The following TRIO variants were observed in gnomAD, a reference collection of about 807,000 sequenced individuals.
The protein encoded by TRIO is triple functional domain protein.
Under a neutral mutation model 351.9 loss-of-function variants are expected in TRIO, and 58 were observed. That is an observed-to-expected ratio of 0.16 (90% CI 0.13 to 0.21). The LOEUF (loss-of-function observed/expected upper bound fraction) is 0.21, where lower values mean the gene tolerates loss of function less well. TRIO is among the 10% of genes least tolerant of loss of function. The probability of loss-of-function intolerance (pLI) is 1.00; values close to 1 mark genes in which losing one functional copy is unlikely to be tolerated. For synonymous variants in TRIO, 1,758 were observed against 1,595.7 expected (o/e 1.10, Z -2.42); for missense variants, 3,201 against 4,027.8 (o/e 0.79, Z 5.56).
chr5:14,472,452 C>G, intron 38 of TRIO, 140 bp from the exon 39 acceptor site: 1 of 905,948 alleles, frequency 1.1e-6, no homozygotes, highest in South Asian at 1.8e-5. Context: ...TTGGGACTCT[C>G]CAGAATTTAA....
At chr5:14,239,697 T>A (rs1474538578) in intron 1 of TRIO, among the ~76,000 whole-genome samples, 1 of 152,172 alleles carries the variant, frequency 6.6e-6, no homozygotes, top group African/African-American at 2.4e-5. Context: ...CCACATTCTT[T>A]CCACTATTGT....
chr5:14,165,579 C>T (rs1253224994), intron 1 of TRIO, among the ~76,000 whole-genome samples: 1 of 151,990 alleles, frequency 6.6e-6, no homozygotes, highest in Non-Finnish European at 1.5e-5. Context: ...TTATTTTATT[C>T]TTCCTGTTGA....
intron 1 of TRIO, among the ~76,000 whole-genome samples, chr5:14,202,951 C>T (rs143733312): frequency 6.1e-4 from 92 of 151,858 alleles, no homozygotes; most frequent in African/African-American, 2.2e-3. Context: ...TTTATTTATG[C>T]TTTTATTTAT....
chr5:14,390,875 G>A, intron 26 of TRIO, 26 bp from the exon 27 acceptor site: 2 of 1,564,986 alleles, frequency 1.3e-6, no homozygotes, highest in African/African-American at 1.4e-5. Flanking sequence ...TGATTTAAAT[G>A]AGATCTTTTT....
intron 27 of TRIO, among the ~76,000 whole-genome samples, chr5:14,393,687 G>A (rs1425837960): frequency 6.6e-6 from 1 of 151,992 alleles, no homozygotes; most frequent in Non-Finnish European, 1.5e-5. Flanking sequence ...AATACAGCAA[G>A]GAATACAACC....
rs56903927 is a variant in TRIO at position 14,303,205 on chromosome 5, T to TG, written c.1369-1250dup. ...GCAGGACTGTTGATGATCCTGGAGA[T>TG]GGGGGGTGTCAGTGGAGGAGATTGA... On this transcript the variant is annotated intron_variant, in intron 7 of 56. Coordinates refer to ENST00000344204, the MANE Select transcript of TRIO (RefSeq NM_007118.4). Among the ~76,000 whole-genome samples the TG allele has an allele frequency of 5.3e-3, 595 of 111,268 alleles. 71 individuals are homozygous for TG. The highest frequency in any genetic ancestry group is 0.022 in the African/African-American group (562 of 25,650). 73.0% of individuals were successfully genotyped at this position (111,268 alleles called of 152,430 possible).
At chr5:14,309,119 C>A (rs1738676603) in intron 8 of TRIO, among the ~76,000 whole-genome samples, 1 of 129,926 alleles carries the variant, frequency 7.7e-6, no homozygotes, top group Admixed American at 9.3e-5. Context: ...ACATACACAT[C>A]CATATAAAAT....
At chr5:14,225,911 T>C (rs990618823) in intron 1 of TRIO, among the ~76,000 whole-genome samples, 11 of 151,114 alleles carry the variant, frequency 7.3e-5, no homozygotes, top group African/African-American at 2.7e-4. Context: ...ACTTGCAGGT[T>C]GAACTAATGA....
chr5:14,501,046 A>G (rs1283149724), intron 53 of TRIO, among the ~76,000 whole-genome samples: 1 of 151,686 alleles, frequency 6.6e-6, no homozygotes, highest in Non-Finnish European at 1.5e-5. Context: ...GTATATATGT[A>G]ATGCTCGAAT....
At chr5:14,204,621 A>G (rs1378680317) in intron 1 of TRIO, among the ~76,000 whole-genome samples, 1 of 152,234 alleles carries the variant, frequency 6.6e-6, no homozygotes, top group South Asian at 2.1e-4. Context: ...GATATTGCCC[A>G]AAATAAGACT....
chr5:14,479,839 C>T, intron 42 of TRIO, 80 bp from the exon 43 acceptor site: 1 of 1,316,432 alleles, frequency 7.6e-7, no homozygotes, highest in East Asian at 2.4e-5. Flanking sequence ...GTGTTGTAGT[C>T]TTTCTGACAA....
At position 14,482,664 on chromosome 5, in the gene TRIO, G is replaced by T. The variant is rs756906651; in HGVS notation, c.6548G>T (p.Cys2183Phe). ...TDQDAGLLPR[C>F]RERRIFLFEQ... ...CAAGATGCAGGACTTCTGCCTCGCT[G>T]CAGAGAGAGGCGCATCTTCCTCTTT... The change falls in exon 46 of 57, where the codon TGC (cysteine) becomes TTC (phenylalanine). Residue 2183 changes from cysteine (C) to phenylalanine (F), a missense_variant. Physicochemically the swap from Cys to Phe is radical, Grantham distance 205. Coordinates refer to ENST00000344204, the MANE Select transcript of TRIO (RefSeq NM_007118.4). The T allele has an allele frequency of 6.2e-7, 1 of 1,610,218 alleles. No individual in the cohort carries two copies. Among genetic ancestry groups the T allele is most frequent in the East Asian group, 2.2e-5 (1 of 44,656 alleles).
chr5:14,379,750 A>G (rs1745898391), intron 20 of TRIO, among the ~76,000 whole-genome samples: 1 of 152,206 alleles, frequency 6.6e-6, no homozygotes, highest in Non-Finnish European at 1.5e-5. Context: ...AAGATAATGG[A>G]ATGTATTGTT....
intron 9 of TRIO, among the ~76,000 whole-genome samples, chr5:14,317,147 C>T (rs955497835): frequency 2.0e-5 from 3 of 152,154 alleles, no homozygotes; most frequent in African/African-American, 7.2e-5. Flanking sequence ...TAGTGCAGTC[C>T]ATGGTGCACA....
intron 1 of TRIO, among the ~76,000 whole-genome samples, chr5:14,146,112 A>T (rs1279450146): frequency 6.7e-6 from 1 of 150,108 alleles, no homozygotes; most frequent in Non-Finnish European, 1.5e-5. Context: ...CCTGACCTAG[A>T]TCTTGGCTCT....
intron 19 of TRIO, among the ~76,000 whole-genome samples, chr5:14,374,970 G>A (rs74588657): frequency 0.011 from 1,732 of 152,130 alleles, 39 homozygotes; most frequent in African/African-American, 0.04. Flanking sequence ...CTTTGACCAG[G>A]GATACACAGC....
At chr5:14,348,717 T>A (rs1742680920) in intron 11 of TRIO, among the ~76,000 whole-genome samples, 1 of 151,956 alleles carries the variant, frequency 6.6e-6, no homozygotes, top group Non-Finnish European at 1.5e-5. Flanking sequence ...TATGTGTGTG[T>A]ACGCACATGA....
At chr5:14,337,502 G>A (rs1741529610) in intron 11 of TRIO, among the ~76,000 whole-genome samples, 1 of 152,152 alleles carries the variant, frequency 6.6e-6, no homozygotes, top group South Asian at 2.1e-4. Context: ...TTATTCAGAT[G>A]CAGCTCTTGA....
chr5:14,323,110 A>G (rs1426784677), intron 9 of TRIO, among the ~76,000 whole-genome samples: 1 of 152,210 alleles, frequency 6.6e-6, no homozygotes, highest in Admixed American at 6.5e-5. Context: ...CATCTAAAAC[A>G]TCTTCAATGT....
Sources: gnomAD v4.1 joint callset for allele counts (sites outside exome capture counted in the v4.1 genomes callset) on GRCh38, gnomAD v4.1.1 for gene constraint, MANE v1.5 for transcripts, NCBI Gene and HGNC (gene_info 2026-07-23, HGNC 2026-07-21) for gene names.